The following PTPRT variants were observed in gnomAD, a reference collection of about 807,000 sequenced individuals.
PTPRT encodes the protein receptor-type tyrosine-protein phosphatase T.
Under a neutral mutation model 176.8 loss-of-function variants are expected in PTPRT, and 56 were observed. The ratio of observed to expected loss-of-function variants is 0.32; its 90% CI spans 0.26 to 0.40. The LOEUF is 0.40. Ranked by LOEUF, PTPRT falls within the 10% of genes least tolerant of loss-of-function variation. The pLI, the probability that PTPRT is intolerant of heterozygous loss-of-function variation, is 1.00. For missense variants in PTPRT, 1,540 were observed against 1,908.2 expected, an observed-to-expected ratio of 0.81 and a Z score of 3.60; for synonymous variants, 783 against 739.0, an observed-to-expected ratio of 1.06 and a Z score of -0.96.
At chr20:42,835,253 T>G (rs534299701) in intron 2 of PTPRT, among the ~76,000 whole-genome samples, 3 of 152,256 alleles carry the variant, frequency 2.0e-5, no homozygotes, top group African/African-American at 7.2e-5. Flanking sequence ...TTAACACTTT[T>G]GAGGGGGAGT....
At chr20:42,190,333 A>G (rs1037906510) in intron 16 of PTPRT, among the ~76,000 whole-genome samples, 1 of 152,170 alleles carries the variant, frequency 6.6e-6, no homozygotes, top group Admixed American at 6.6e-5. Flanking sequence ...TGTTCAGACA[A>G]AAGGAGACAA....
At chr20:42,129,297 ATAGAT>A (rs1245888207) in intron 18 of PTPRT, among the ~76,000 whole-genome samples, 2 of 152,206 alleles carry the variant, frequency 1.3e-5, no homozygotes, top group Admixed American at 1.3e-4. Flanking sequence ...ATTGTTAGAG[ATAGAT>A]TGTCAGCCAT....
At chr20:42,536,406 C>G (rs138208947) in intron 7 of PTPRT, among the ~76,000 whole-genome samples, 1 of 152,140 alleles carries the variant, frequency 6.6e-6, no homozygotes, top group African/African-American at 2.4e-5. Context: ...TACATTTGCA[C>G]CTAAGACTAT....
intron 11 of PTPRT, among the ~76,000 whole-genome samples, chr20:42,348,402 A>G (rs544341502): frequency 5.3e-5 from 8 of 151,350 alleles, no homozygotes; most frequent in African/African-American, 1.9e-4. Flanking sequence ...TTATTTATTT[A>G]TTTTTGGATA....
intron 1 of PTPRT, among the ~76,000 whole-genome samples, chr20:42,955,095 G>C (rs1168996804): frequency 6.6e-6 from 1 of 152,160 alleles, no homozygotes; most frequent in African/African-American, 2.4e-5. Flanking sequence ...CCCCCTCTTA[G>C]TGATGCACAA....
At chr20:42,276,526 TATATATATATATATATATA>T (rs2057036186) in intron 13 of PTPRT, among the ~76,000 whole-genome samples, 1 of 42,276 alleles carries the variant, frequency 2.4e-5, no homozygotes, top group African/African-American at 7.8e-5. Flanking sequence ...TATATATATA[TATATATATATATATATATA>T]TATATATATA....
chr20:42,159,245 C>T (rs1192513067), intron 17 of PTPRT, among the ~76,000 whole-genome samples: 1 of 151,258 alleles, frequency 6.6e-6, no homozygotes, highest in Non-Finnish European at 1.5e-5. Flanking sequence ...TTATCCACCT[C>T]CCATACTTCC....
At chr20:42,214,853 A>C (rs999797932) in intron 15 of PTPRT, among the ~76,000 whole-genome samples, 1 of 152,214 alleles carries the variant, frequency 6.6e-6, no homozygotes, top group Non-Finnish European at 1.5e-5. Flanking sequence ...AATAGCACTG[A>C]CTTTGGAGCC....
At chr20:43,132,834 T>C (rs1600735591) in intron 1 of PTPRT, among the ~76,000 whole-genome samples, 1 of 152,322 alleles carries the variant, frequency 6.6e-6, no homozygotes, top group African/African-American at 2.4e-5. Context: ...GACAACTTGA[T>C]AGTTATTTGC....
chr20:42,353,062 G>A (rs541978283), intron 9 of PTPRT, among the ~76,000 whole-genome samples: 33 of 152,194 alleles, frequency 2.2e-4, no homozygotes, highest in African/African-American at 5.8e-4. Context: ...TCTACTATTC[G>A]TATGAAGTCT....
intron 7 of PTPRT, among the ~76,000 whole-genome samples, chr20:42,491,097 C>T (rs2071555179): frequency 6.6e-6 from 1 of 152,026 alleles, no homozygotes; most frequent in Non-Finnish European, 1.5e-5. Flanking sequence ...AAAAAACTTG[C>T]TCCTGGGATA....
chr20:42,669,486 G>C (rs2075377067), intron 7 of PTPRT, among the ~76,000 whole-genome samples: 2 of 152,120 alleles, frequency 1.3e-5, no homozygotes, highest in Non-Finnish European at 2.9e-5. Flanking sequence ...CAGTACAGCA[G>C]AGATGGAGGT....
chr20:43,107,917 T>C (rs1377507379), intron 1 of PTPRT, among the ~76,000 whole-genome samples: 1 of 152,250 alleles, frequency 6.6e-6, no homozygotes, highest in Non-Finnish European at 1.5e-5. Context: ...TGGGTTATTC[T>C]TCCGTGTAGG....
chr20:42,127,441 G>T (rs1379646079), intron 19 of PTPRT, among the ~76,000 whole-genome samples: 1 of 152,044 alleles, frequency 6.6e-6, no homozygotes, highest in Non-Finnish European at 1.5e-5. Context: ...ACCCTGCAAT[G>T]CAAGGCAGAA....
intron 1 of PTPRT, among the ~76,000 whole-genome samples, chr20:43,136,420 C>T (rs556497205): frequency 5.1e-4 from 78 of 152,298 alleles, no homozygotes; most frequent in Non-Finnish European, 2.4e-4. Flanking sequence ...TCATGTTTTC[C>T]GCCCCTTTCT....
At chr20:42,477,368 C>T (rs567648484) in intron 7 of PTPRT, among the ~76,000 whole-genome samples, 33 of 152,036 alleles carry the variant, frequency 2.2e-4, no homozygotes, top group East Asian at 1.5e-3. Context: ...TCAGCCAGGT[C>T]TTTAAGGGTA....
rs190716471 is a variant in PTPRT, at chr20:42,108,580, A to T, written c.3255-1659T>A. Among the ~76,000 whole-genome samples the T allele has an allele frequency of 5.9e-5, 9 of 152,362 alleles. No homozygotes were observed. The East Asian group carries it at 1.7e-3, about 29-fold the overall frequency. On this transcript the variant is annotated intron_variant, in intron 23 of 30. Coordinates refer to ENST00000373187, the MANE Select transcript of PTPRT (RefSeq NM_007050.6). ...AGCCATTTTTTATTGAGAAATTATT[A>T]CTATTATATTCAACAAATATTTATT... is the stretch of plus-strand genomic sequence containing the variant.
At chr20:42,351,021 A>G (rs1429465124) in intron 10 of PTPRT, among the ~76,000 whole-genome samples, 1 of 152,228 alleles carries the variant, frequency 6.6e-6, no homozygotes, top group Non-Finnish European at 1.5e-5. Context: ...TGCAGGGAAT[A>G]TAAGTACTAA....
intron 7 of PTPRT, among the ~76,000 whole-genome samples, chr20:42,515,574 T>C (rs1390666051): frequency 6.6e-6 from 1 of 152,222 alleles, no homozygotes; most frequent in African/African-American, 2.4e-5. Context: ...ATACTTTTTC[T>C]GTTTGCAGCT....
Sources: allele counts gnomAD v4.1 joint callset (sites outside exome capture counted in the v4.1 genomes callset), GRCh38; gene constraint gnomAD v4.1.1; transcripts MANE v1.5; gene names NCBI Gene and HGNC (gene_info 2026-07-23, HGNC 2026-07-21).